Variants in TNFRSF19 observed in about 807,000 individuals in gnomAD.
TNFRSF19 encodes the protein tumor necrosis factor receptor superfamily member 19.
A neutral mutation model predicts 46.4 loss-of-function variants in TNFRSF19; 27 were observed. The observed-to-expected ratio is 0.58, with a 90% CI of 0.43 to 0.80. TNFRSF19 has a LOEUF of 0.80. Among genes scored for constraint, TNFRSF19 ranks in the 30% least tolerant of loss-of-function variants. TNFRSF19 has a pLI of 0.00. For missense variants in TNFRSF19, 511 were observed against 530.8 expected (o/e 0.96, Z 0.37); for synonymous variants, 204 against 205.0 (o/e 1.00, Z 0.04).
intron 1 of TNFRSF19, among the ~76,000 whole-genome samples, chr13:23,582,776 G>A (rs958265484): frequency 2.6e-5 from 4 of 152,032 alleles, no homozygotes; most frequent in Admixed American, 2.6e-4. Flanking sequence ...GTATTAGTTC[G>A]CATTTTCTAG....
chr13:23,625,004 A>G (rs1252923113), intron 4 of TNFRSF19, among the ~76,000 whole-genome samples: 2 of 152,052 alleles, frequency 1.3e-5, no homozygotes, highest in African/African-American at 4.8e-5. Flanking sequence ...CACCTGCCTC[A>G]GCCTCCCAAA....
At chr13:23,623,970 C>G (rs1881835562) in intron 4 of TNFRSF19, among the ~76,000 whole-genome samples, 1 of 152,022 alleles carries the variant, frequency 6.6e-6, no homozygotes, top group Admixed American at 6.6e-5. Flanking sequence ...TCCCATTTGT[C>G]AATTTTTTCT....
At chr13:23,652,964 G>A (rs999445264) in intron 5 of TNFRSF19, among the ~76,000 whole-genome samples, 1 of 152,212 alleles carries the variant, frequency 6.6e-6, no homozygotes, top group Non-Finnish European at 1.5e-5. Context: ...TAAATACTAA[G>A]CTGCTGTAAC....
intron 3 of TNFRSF19, among the ~76,000 whole-genome samples, chr13:23,612,422 G>A (rs1414281310): frequency 6.6e-6 from 1 of 152,190 alleles, no homozygotes; most frequent in Non-Finnish European, 1.5e-5. Context: ...TAATTACAGA[G>A]TCTGTGTTTA....
intron 3 of TNFRSF19, among the ~76,000 whole-genome samples, chr13:23,607,936 G>GAAA (rs1880626198): frequency 1.3e-5 from 2 of 152,154 alleles, no homozygotes; most frequent in Non-Finnish European, 2.9e-5. Flanking sequence ...TTCTTTGGAA[G>GAAA]GCATTCAATT....
At chr13:23,618,442 A>G (rs569410669) in intron 4 of TNFRSF19, among the ~76,000 whole-genome samples, 1 of 152,356 alleles carries the variant, frequency 6.6e-6, no homozygotes, top group Non-Finnish European at 1.5e-5. Flanking sequence ...TCAAACCCAC[A>G]TTCTTCAACC....
At chr13:23,623,825 G>A (rs1881828455) in intron 4 of TNFRSF19, among the ~76,000 whole-genome samples, 1 of 151,998 alleles carries the variant, frequency 6.6e-6, no homozygotes, top group Admixed American at 6.6e-5. Flanking sequence ...AAATTAGGTT[G>A]ATTTTTTAAT....
At chr13:23,626,828 G>A (rs1015134394) in intron 5 of TNFRSF19, 36 bp downstream of exon 5, 19 of 1,588,034 alleles carry the variant, frequency 1.2e-5, no homozygotes, top group South Asian at 2.3e-5. Context: ...CCAAGGGGAC[G>A]CCTGGCCTTT....
chr13:23,583,498 A>G (rs1314995087), intron 1 of TNFRSF19, among the ~76,000 whole-genome samples: 2 of 152,264 alleles, frequency 1.3e-5, no homozygotes, highest in African/African-American at 4.8e-5. Context: ...CACATGTCAC[A>G]TAATATGTAC....
intron 3 of TNFRSF19, 116 bp from the exon 4 acceptor site, chr13:23,615,751 C>T (rs1881233173): frequency 1.8e-6 from 2 of 1,090,230 alleles, no homozygotes; most frequent in Non-Finnish European, 2.5e-6. Context: ...GCCTTTGTGT[C>T]TAGGAAGGCC....
chr13:23,671,793 G>A (rs1403685570), intron 9 of TNFRSF19, among the ~76,000 whole-genome samples: 1 of 152,186 alleles, frequency 6.6e-6, no homozygotes, highest in East Asian at 1.9e-4. Context: ...TGAGGCTTGA[G>A]GCTGCAGTGA....
intron 5 of TNFRSF19, among the ~76,000 whole-genome samples, chr13:23,632,846 G>C (rs940104594): frequency 3.3e-5 from 5 of 152,176 alleles, no homozygotes. Context: ...GAGAGGAGAA[G>C]CTAATCGAGG....
At chr13:23,646,944 A>G (rs995595454) in intron 5 of TNFRSF19, among the ~76,000 whole-genome samples, 7 of 152,086 alleles carry the variant, frequency 4.6e-5, no homozygotes, top group African/African-American at 1.7e-4. Flanking sequence ...TCTCCACCAA[A>G]ACTTGTTATT....
chr13:23,655,758 G>T (rs1027091359), intron 5 of TNFRSF19, among the ~76,000 whole-genome samples: 130 of 150,314 alleles, frequency 8.6e-4, no homozygotes, highest in Middle Eastern at 3.4e-3. Flanking sequence ...CTTATTTTTG[G>T]TTTTGTTTTG....
rs368860825 is a variant in TNFRSF19 at position 23,576,136 on chromosome 13, CT to C, written c.-35+5303del. Among the ~76,000 whole-genome samples the C allele has an allele frequency of 9.2e-3, 1,297 of 140,370 alleles. 13 individuals are homozygous for C. Among genetic ancestry groups the C allele is most frequent in the African/African-American group, 0.023 (895 of 38,444 alleles). The allele number at this position is 140,370 out of a possible 152,430, so 92.1% of individuals were successfully genotyped here. ...GCATGAGCCTAAGGATCACAGAATT[CT>C]TTTTTTTTTTTTTTGAGACCGAGTC... On this transcript the variant is annotated intron_variant, in intron 1 of 9. Coordinates refer to ENST00000248484, the MANE Select transcript of TNFRSF19 (RefSeq NM_148957.4).
intron 5 of TNFRSF19, among the ~76,000 whole-genome samples, chr13:23,650,222 T>C (rs949529000): frequency 6.6e-6 from 1 of 152,208 alleles, no homozygotes; most frequent in Non-Finnish European, 1.5e-5. Context: ...ATGTATCTTT[T>C]GATAGCAGGT....
At chr13:23,629,602 T>A (rs1882226855) in intron 5 of TNFRSF19, among the ~76,000 whole-genome samples, 1 of 152,164 alleles carries the variant, frequency 6.6e-6, no homozygotes, top group East Asian at 1.9e-4. Context: ...TTGCCAGAAG[T>A]GTTGGATTCA....
rs75784613 is a variant in TNFRSF19, at chr13:23,643,935, G to C, written c.446-15115G>C. On this transcript the variant is annotated intron_variant, in intron 5 of 9. Transcript: ENST00000248484. ...GACACAAGTTCATACAACAATCTAA[G>C]TGGGAAAAAAAGATATAAAAGTGTA... 8.8e-3 allele frequency among the ~76,000 whole-genome samples: 1,345 copies of C among 152,232 alleles called. 9 individuals are homozygous for C. Among genetic ancestry groups the C allele is most frequent in the Non-Finnish European group, 0.015 (1,005 of 68,016 alleles).
intron 3 of TNFRSF19, among the ~76,000 whole-genome samples, chr13:23,605,083 AT>A (rs1880421310): frequency 6.6e-6 from 1 of 152,246 alleles, no homozygotes; most frequent in African/African-American, 2.4e-5. Context: ...AAGGACTGTT[AT>A]TCAAAACATA....
Sources: allele counts gnomAD v4.1 joint callset (sites outside exome capture counted in the v4.1 genomes callset), GRCh38; gene constraint gnomAD v4.1.1; transcripts MANE v1.5; gene names NCBI Gene and HGNC (gene_info 2026-07-23, HGNC 2026-07-21).